DPP6: variants seen among roughly 807,000 people sequenced by gnomAD.
DPP6 encodes the protein A-type potassium channel modulatory protein DPP6.
A neutral mutation model predicts 122.6 loss-of-function variants in DPP6; 69 were observed. The observed-to-expected ratio is 0.56, with a 90% CI of 0.46 to 0.69. DPP6 has a LOEUF of 0.69. DPP6 is among the 30% of genes least tolerant of loss of function. The pLI, the probability that DPP6 is intolerant of heterozygous loss-of-function variation, is 0.00. For missense variants in DPP6, 928 were observed against 1,116.9 expected (o/e 0.83, Z 2.41); for synonymous variants, 418 against 433.1 (o/e 0.97, Z 0.43).
At chr7:154,060,349 A>G (rs1801579835) in intron 1 of DPP6, among the ~76,000 whole-genome samples, 1 of 126,116 alleles carries the variant, frequency 7.9e-6, no homozygotes, top group African/African-American at 3.1e-5. Flanking sequence ...ACCCCCCGCG[A>G]GGCAGGGACT....
intron 1 of DPP6, among the ~76,000 whole-genome samples, chr7:153,993,298 C>T (rs985621633): frequency 6.6e-6 from 1 of 152,154 alleles, no homozygotes; most frequent in Admixed American, 6.5e-5. Context: ...CAGATTGATC[C>T]CGTCTTCTTA....
At chr7:154,596,147 CT>C (rs1833078735) in intron 5 of DPP6, among the ~76,000 whole-genome samples, 1 of 152,220 alleles carries the variant, frequency 6.6e-6, no homozygotes, top group African/African-American at 2.4e-5. Context: ...AAACCCTCAT[CT>C]CACTTTTAGA....
At chr7:153,917,035 T>C (rs1800359031) in intron 1 of DPP6, among the ~76,000 whole-genome samples, 1 of 152,210 alleles carries the variant, frequency 6.6e-6, no homozygotes, top group Admixed American at 6.5e-5. Flanking sequence ...ATGGATCATC[T>C]GAAAATCTTG....
At chr7:154,367,007 A>G (rs1420374785) in intron 1 of DPP6, among the ~76,000 whole-genome samples, 3 of 152,196 alleles carry the variant, frequency 2.0e-5, no homozygotes, top group Non-Finnish European at 4.4e-5. Flanking sequence ...AAGGAAATGT[A>G]TGATTAGTGT....
chr7:154,429,732 G>GACC (rs1392723153), intron 1 of DPP6, among the ~76,000 whole-genome samples: 4 of 152,182 alleles, frequency 2.6e-5, no homozygotes, highest in Non-Finnish European at 5.9e-5. Flanking sequence ...CTAATGTGGA[G>GACC]ACCACGTTCC....
At chr7:153,880,041 A>G in the DPP6 span, among the ~76,000 whole-genome samples, 1 of 152,200 alleles carries the variant, frequency 6.6e-6, no homozygotes, top group Non-Finnish European at 1.5e-5. Flanking sequence ...GTGCCATCTT[A>G]TAGGAAAATT....
intron 1 of DPP6, among the ~76,000 whole-genome samples, chr7:154,396,071 C>T (rs538892347): frequency 2.6e-5 from 4 of 151,920 alleles, no homozygotes; most frequent in African/African-American, 7.2e-5. Context: ...AATATACTTA[C>T]GAATTGTTAT....
At chr7:154,476,394 C>T (rs73726896) in intron 3 of DPP6, among the ~76,000 whole-genome samples, 7 of 152,202 alleles carry the variant, frequency 4.6e-5, no homozygotes, top group Non-Finnish European at 1.0e-4. Context: ...TGTTCGTGTT[C>T]GTGTTCACTG....
At chr7:154,640,548 T>A (rs1420095815) in intron 6 of DPP6, among the ~76,000 whole-genome samples, 1 of 152,140 alleles carries the variant, frequency 6.6e-6, no homozygotes, top group Admixed American at 6.5e-5. Flanking sequence ...GCCAATTAAT[T>A]CATTGCAAAT....
intron 19 of DPP6, among the ~76,000 whole-genome samples, chr7:154,874,651 C>T (rs758301619): frequency 6.6e-6 from 1 of 152,248 alleles, no homozygotes; most frequent in Non-Finnish European, 1.5e-5. Context: ...CACCCCACTC[C>T]TCAGCCCTTG....
intron 3 of DPP6, among the ~76,000 whole-genome samples, chr7:154,492,006 A>G (rs1048221357): frequency 3.9e-5 from 6 of 152,204 alleles, no homozygotes; most frequent in Non-Finnish European, 1.5e-5. Context: ...GCTGCATCCA[A>G]CAATGTAAAC....
intron 17 of DPP6, among the ~76,000 whole-genome samples, chr7:154,860,448 G>GCAGA (rs1303405003): frequency 2.6e-5 from 4 of 152,332 alleles, no homozygotes; most frequent in African/African-American, 9.6e-5. Context: ...ACCCCAGGTT[G>GCAGA]CAGACAGGAG....
rs35424101 is a variant in DPP6, at chr7:154,833,180, GC to G, written c.1667-20599del. On this transcript the variant is annotated intron_variant, in intron 16 of 25. Transcript: ENST00000377770. The surrounding 1 kb of genome is among the most constrained non-coding windows in gnomAD (Gnocchi z 4.3). ...CCATGCAAGCAGCCTGGGCTCCGAT[GC>G]ACACAGGAGCAGTGCAGAAGAGTGA... Among the ~76,000 whole-genome samples the G allele has an allele frequency of 0.19, 28,490 of 152,152 alleles. 4,852 individuals carry two copies. Among genetic ancestry groups the G allele is most frequent in the African/African-American group, 0.46 (18,957 of 41,452 alleles).
At chr7:153,793,189 G>A in the DPP6 span, among the ~76,000 whole-genome samples, 1 of 151,960 alleles carries the variant, frequency 6.6e-6, no homozygotes, top group Non-Finnish European at 1.5e-5. Flanking sequence ...CAGTTTGGAG[G>A]GCTCAGAAGA....
intron 1 of DPP6, among the ~76,000 whole-genome samples, chr7:154,265,651 C>T (rs550952428): frequency 4.4e-4 from 67 of 152,238 alleles, no homozygotes; most frequent in African/African-American, 1.5e-3. Context: ...AGCCGACTTA[C>T]ACAAAATAAA....
At chr7:154,321,639 G>C (rs903326402) in intron 1 of DPP6, among the ~76,000 whole-genome samples, 1 of 151,850 alleles carries the variant, frequency 6.6e-6, no homozygotes, top group South Asian at 2.1e-4. Flanking sequence ...AAAAAAATTA[G>C]CCGGGCATAG....
At chr7:154,324,867 A>ATTAT (rs1554518346) in intron 1 of DPP6, among the ~76,000 whole-genome samples, 4 of 113,088 alleles carry the variant, frequency 3.5e-5, no homozygotes, top group African/African-American at 6.8e-5. Context: ...TCCTTTTGTT[A>ATTAT]TTTTTTTTTT....
chr7:154,660,877 C>A (rs4480063), intron 6 of DPP6, among the ~76,000 whole-genome samples: 1 of 22,296 alleles, frequency 4.5e-5, no homozygotes, highest in Non-Finnish European at 9.4e-5. Context: ...ATCACCATGG[C>A]GTATTGGCGC....
intron 3 of DPP6, among the ~76,000 whole-genome samples, chr7:154,509,384 G>A (rs1825888403): frequency 6.6e-6 from 1 of 152,120 alleles, no homozygotes; most frequent in Admixed American, 6.6e-5. Context: ...AAAGATATTT[G>A]ACGTCATCGT....
Sources: allele counts gnomAD v4.1 joint callset (sites outside exome capture counted in the v4.1 genomes callset), GRCh38; gene constraint gnomAD v4.1.1; non-coding constraint Gnocchi (gnomAD v3.1); transcripts MANE v1.5; gene names NCBI Gene and HGNC (gene_info 2026-07-23, HGNC 2026-07-21).